COP1: variants seen among roughly 807,000 people sequenced by gnomAD.
The protein encoded by COP1 is COP1 E3 ubiquitin ligase.
A neutral mutation model predicts 101.3 loss-of-function variants in COP1; 24 were observed. The observed-to-expected ratio is 0.24, with a 90% CI of 0.17 to 0.33. The LOEUF is 0.33. COP1 is among the 10% of genes least tolerant of loss of function. The pLI, the probability that COP1 is intolerant of heterozygous loss-of-function variation, is 1.00. For missense variants in COP1, 663 were observed against 906.2 expected (o/e 0.73, Z 3.45); for synonymous variants, 347 against 341.9 (o/e 1.01, Z -0.17).
At chr1:176,118,682 A>C (rs536207074) in intron 8 of COP1, among the ~76,000 whole-genome samples, 37 of 152,190 alleles carry the variant, frequency 2.4e-4, no homozygotes, top group African/African-American at 8.4e-4. Context: ...CTTAATCTCA[A>C]ATGGTCAAGG....
chr1:176,093,950 G>C (rs1681837090), intron 9 of COP1, among the ~76,000 whole-genome samples: 1 of 151,886 alleles, frequency 6.6e-6, no homozygotes, highest in Non-Finnish European at 1.5e-5. Flanking sequence ...TTTAACCCAG[G>C]AAGCGGAGGT....
intron 11 of COP1, among the ~76,000 whole-genome samples, chr1:176,058,208 C>A (rs1674131332): frequency 6.6e-6 from 1 of 151,462 alleles, no homozygotes; most frequent in South Asian, 2.1e-4. Flanking sequence ...CCCTGCCCAG[C>A]CGCCCCTTCT....
chr1:176,141,555 AAG>A (rs1690686949), intron 6 of COP1, among the ~76,000 whole-genome samples: 1 of 152,042 alleles, frequency 6.6e-6, no homozygotes, highest in South Asian at 2.1e-4. Flanking sequence ...TGCTAATTCT[AAG>A]AGAGTTACTA....
rs751285390 is a variant in COP1 at position 175,945,183 on chromosome 1, A to G, written c.2179-13T>C. The G allele has an allele frequency of 1.2e-4, 189 of 1,536,174 alleles. No individual in the cohort carries two copies. The highest frequency in any genetic ancestry group is 1.6e-4 in the Non-Finnish European group (181 of 1,120,050). On this transcript the variant is annotated splice_polypyrimidine_tract_variant and intron_variant, in intron 19 of 19. Coordinates refer to ENST00000367669, the MANE Select transcript of COP1 (RefSeq NM_022457.7). ...CCAATTCTAGCACCTAATTGGGGGG[A>G]AAAAAGGATCCATTTAATAAAATCA...
chr1:176,174,235 T>C (rs139290626), intron 3 of COP1, among the ~76,000 whole-genome samples: 1 of 152,244 alleles, frequency 6.6e-6, no homozygotes, highest in East Asian at 1.9e-4. Flanking sequence ...TAAGTAGTTT[T>C]CCAAAGTTAT....
chr1:176,127,158 GA>G (rs1250446964), intron 8 of COP1, among the ~76,000 whole-genome samples: 1 of 152,084 alleles, frequency 6.6e-6, no homozygotes. Context: ...CATACATTGT[GA>G]AATGATCAGA....
chr1:176,157,637 C>T (rs1693677018), intron 5 of COP1, among the ~76,000 whole-genome samples: 1 of 152,104 alleles, frequency 6.6e-6, no homozygotes, highest in Non-Finnish European at 1.5e-5. Context: ...AAACAAGCTT[C>T]AAGAGATTCA....
At chr1:176,079,978 T>C (rs957344175) in intron 11 of COP1, among the ~76,000 whole-genome samples, 2 of 151,596 alleles carry the variant, frequency 1.3e-5, no homozygotes, top group East Asian at 1.9e-4. Flanking sequence ...GGCAGCATAA[T>C]GAGACCCTGT....
chr1:176,108,054 G>C (rs1331018607), intron 9 of COP1, among the ~76,000 whole-genome samples: 2 of 151,250 alleles, frequency 1.3e-5, no homozygotes, highest in African/African-American at 2.4e-5. Context: ...TTTCTATAAA[G>C]GACATTAGTG....
chr1:176,050,877 G>C (rs1672424410), intron 11 of COP1, among the ~76,000 whole-genome samples: 1 of 152,190 alleles, frequency 6.6e-6, no homozygotes, highest in Admixed American at 6.5e-5. Context: ...ACTGGTTCCA[G>C]AGTCTATGCT....
intron 15 of COP1, among the ~76,000 whole-genome samples, chr1:176,014,167 G>A (rs1050357904): frequency 1.1e-4 from 16 of 152,186 alleles, no homozygotes; most frequent in African/African-American, 3.9e-4. Flanking sequence ...GAAGAAAACA[G>A]AAAGTAAGAG....
intron 6 of COP1, 70 bp downstream of exon 6, chr1:176,148,936 T>C: frequency 2.0e-6 from 2 of 1,007,448 alleles, no homozygotes; most frequent in Non-Finnish European, 2.9e-6. Flanking sequence ...TAGCCTGAAA[T>C]GCTTTTACAA....
In COP1 at chr1:175,989,937, A is replaced by G. The variant is rs552725437; in HGVS notation, c.1730-458T>C. On this transcript the variant is annotated intron_variant, in intron 15 of 19. Transcript: ENST00000367669. ...AGTTTTAGAGTATTTCTGCACTCCG[A>G]TAAGATCACTCATTTGGCATCCACC... is the stretch of plus-strand genomic sequence containing the variant. Among the ~76,000 whole-genome samples, 22 of 152,224 alleles carry G rather than the reference A, an allele frequency of 1.4e-4. No homozygotes were observed. The East Asian group carries it at 4.1e-3, about 28-fold the overall frequency.
intron 8 of COP1, among the ~76,000 whole-genome samples, chr1:176,119,386 AATG>A (rs1451580754): frequency 1.3e-5 from 2 of 152,112 alleles, no homozygotes; most frequent in African/African-American, 2.4e-5. Flanking sequence ...CTAAAAAATG[AATG>A]ATATTGATAT....
intron 15 of COP1, among the ~76,000 whole-genome samples, chr1:176,023,210 A>G (rs941017028): frequency 2.0e-5 from 3 of 152,336 alleles, no homozygotes; most frequent in East Asian, 3.9e-4. Flanking sequence ...CCTTCCAACA[A>G]TAAGAACTAC....
chr1:176,057,364 A>C (rs1673728808), intron 11 of COP1, among the ~76,000 whole-genome samples: 1 of 150,890 alleles, frequency 6.6e-6, no homozygotes, highest in Non-Finnish European at 1.5e-5. Flanking sequence ...CTCTCTTTCC[A>C]CGATCTCCCT....
chr1:175,963,213 G>A (rs903368390), intron 18 of COP1, among the ~76,000 whole-genome samples: 3 of 151,854 alleles, frequency 2.0e-5, no homozygotes, highest in African/African-American at 7.3e-5. Flanking sequence ...GTGGGCTTTA[G>A]GCATTTAATG....
chr1:176,115,967 C>T (rs913909291), intron 9 of COP1, among the ~76,000 whole-genome samples: 51 of 152,114 alleles, frequency 3.4e-4, no homozygotes, highest in African/African-American at 1.2e-3. Flanking sequence ...CGTAATGAAG[C>T]GTAATTCAAT....
chr1:176,200,691 G>A (rs894863604), intron 1 of COP1, among the ~76,000 whole-genome samples: 1 of 151,478 alleles, frequency 6.6e-6, no homozygotes, highest in African/African-American at 2.5e-5. Flanking sequence ...CATATTTTAA[G>A]TATAAAGAAA....
Sources: gnomAD v4.1 joint callset for allele counts (sites outside exome capture counted in the v4.1 genomes callset) on GRCh38, gnomAD v4.1.1 for gene constraint, MANE v1.5 for transcripts, NCBI Gene and HGNC (gene_info 2026-07-23, HGNC 2026-07-21) for gene names.